TTC4: variants seen among roughly 807,000 people sequenced by gnomAD.
The protein encoded by TTC4 is tetratricopeptide repeat domain 4, also known as hsp70/Hsp90 co-chaperone CNS1 homolog.
Under a neutral mutation model 51.9 loss-of-function variants are expected in TTC4, and 36 were observed. The observed-to-expected ratio is 0.69, with a 90% confidence interval of 0.53 to 0.92. The LOEUF is 0.92. TTC4 is among the 40% of genes least tolerant of loss of function. The pLI, the probability that TTC4 is intolerant of heterozygous loss-of-function variation, is 0.00. For missense variants in TTC4, 399 were observed against 454.6 expected, an observed-to-expected ratio of 0.88 and a Z score of 1.11; for synonymous variants, 144 against 164.2, an observed-to-expected ratio of 0.88 and a Z score of 0.94.
Position 54,721,073 on chromosome 1 carries a change from T to G in TTC4, c.392-90T>G, listed in dbSNP as rs1025517587. On this transcript the variant is annotated intron_variant, in intron 3 of 9. Coordinates refer to ENST00000371281, the MANE Select transcript of TTC4 (RefSeq NM_004623.5). ...GCTCTCATTTGTATTTCCCCAGGAT[T>G]GTACAAGAGTGTCTTTGTCACTACA... 6 of 1,206,504 alleles carry G rather than the reference T, an allele frequency of 5.0e-6. No homozygotes were observed. The African/African-American group carries it at 9.1e-5, about 18-fold the overall frequency. 74.7% of individuals were successfully genotyped at this position (1,206,504 alleles called of 1,614,324 possible). A position where few individuals can be genotyped will look rare whatever the true frequency, so the allele number is the denominator to read the frequency against.
chr1:54,731,933 C>T (rs1645870940), intron 7 of TTC4, among the ~76,000 whole-genome samples: 1 of 152,138 alleles, frequency 6.6e-6, no homozygotes, highest in Non-Finnish European at 1.5e-5. Context: ...GTACATGCAA[C>T]ACCACAGTAT....
intron 6 of TTC4, among the ~76,000 whole-genome samples, chr1:54,729,369 A>G (rs1265364225): frequency 1.3e-5 from 2 of 152,208 alleles, no homozygotes; most frequent in East Asian, 3.8e-4. Flanking sequence ...GCTTTGGGTT[A>G]AGTGTTATTT....
Position 54,716,616 on chromosome 1 carries a change from C to G in TTC4, c.128C>G (p.Pro43Arg). The G allele has an allele frequency of 6.2e-7, 1 of 1,612,992 alleles. No homozygotes were observed. The highest frequency in any genetic ancestry group is 8.5e-7 in the Non-Finnish European group (1 of 1,179,696). Residue 43 changes from proline to arginine, a missense_variant, in exon 2 of 10, where the codon CCC becomes CGC. Coordinates refer to ENST00000371281, the MANE Select transcript of TTC4 (RefSeq NM_004623.5). ...DQWEKEFEKVPLFMSRAPSEI... is the reference protein window; with the variant it reads ...DQWEKEFEKVRLFMSRAPSEI... ...CATTTACAGGAATTTGAAAAGGTCC[C>G]CCTATTTATGTCGAGAGCGCCATCA...
intron 7 of TTC4, among the ~76,000 whole-genome samples, chr1:54,733,115 G>C (rs1645887832): frequency 6.7e-6 from 1 of 150,208 alleles, no homozygotes; most frequent in Admixed American, 6.6e-5. Context: ...GAAAAGAAAA[G>C]AAAAAAAGAA....
At chr1:54,716,062 C>G (rs1190665701) in intron 1 of TTC4, 43 bp downstream of exon 1, 1 of 1,512,346 alleles carries the variant, frequency 6.6e-7, no homozygotes, top group Admixed American at 2.0e-5. Flanking sequence ...GGGGCGTCGT[C>G]CGGACTCGTG....
intron 8 of TTC4, among the ~76,000 whole-genome samples, chr1:54,735,352 G>A (rs1301180286): frequency 2.0e-5 from 3 of 152,012 alleles, no homozygotes; most frequent in Non-Finnish European, 4.4e-5. Context: ...CTGAGTAGCT[G>A]GGATTACAGC....
rs1471511469 is a variant in TTC4 at position 54,741,546 on chromosome 1, C to T, written c.*33C>T. 1 of 1,564,762 alleles carries T rather than the reference C, an allele frequency of 6.4e-7. No homozygotes were observed. Among genetic ancestry groups the T allele is most frequent in the African/African-American group, 1.4e-5 (1 of 73,766 alleles). ...AGGGCCCCTGGATCTCCTCCCTTAC[C>T]CTCCTCTGCTGGGAACCTAGCACAC... On this transcript the variant is annotated 3_prime_UTR_variant, in exon 10 of 10. Coordinates refer to ENST00000371281, the MANE Select transcript of TTC4 (RefSeq NM_004623.5).
chr1:54,722,414 G>A (rs938884371), intron 4 of TTC4, among the ~76,000 whole-genome samples: 1 of 152,146 alleles, frequency 6.6e-6, no homozygotes, highest in Non-Finnish European at 1.5e-5. Context: ...TTGCCACTAA[G>A]TTATAGCTTT....
chr1:54,742,375 C>T lies in TTC4; in HGVS notation c.*862C>T, dbSNP rs1318269404. 1.3e-5 allele frequency: 2 copies of T among 152,390 alleles called. No homozygotes were observed. The highest frequency in any genetic ancestry group is 1.3e-4 in the Admixed American group (2 of 15,286). The allele number at this position is 152,390 out of a possible 1,614,324, so 9.4% of individuals were successfully genotyped here. A position where few individuals can be genotyped will look rare whatever the true frequency, so the allele number is the denominator to read the frequency against. On this transcript the variant is annotated 3_prime_UTR_variant, in exon 10 of 10. Transcript: ENST00000371281. The stretch of plus-strand genomic sequence containing the variant: ...CCCCGGGAGAGTGTACTTCCCTGCT[C>T]CCAATGCAGAGGGATATGCACAGGC...
At chr1:54,723,240 T>C (rs1184336537) in intron 5 of TTC4, among the ~76,000 whole-genome samples, 1 of 152,220 alleles carries the variant, frequency 6.6e-6, no homozygotes, top group Non-Finnish European at 1.5e-5. Context: ...AATCTAGGTA[T>C]GTAGCAGGCT....
At chr1:54,741,304 A>T (rs1195848895) in intron 9 of TTC4, 107 bp from the exon 10 acceptor site, 22 of 938,790 alleles carry the variant, frequency 2.3e-5, no homozygotes, top group African/African-American at 3.2e-5. Flanking sequence ...TTGCATTTTC[A>T]TGTTGACTCC....
rs745861383 is a variant in TTC4 at position 54,716,628 on chromosome 1, C to T, written c.140C>T (p.Ser47Leu). 1 of 1,613,402 alleles carries T rather than the reference C, an allele frequency of 6.2e-7. No individual in the cohort carries two copies. The highest frequency in any genetic ancestry group is 1.1e-5 in the South Asian group (1 of 90,948). Residue 47 changes from serine (S) to leucine (L), a missense_variant, in exon 2 of 10, where the codon TCG (serine) becomes TTG (leucine). Around this residue, in one of 3 missense-constraint regions of TTC4, gnomAD observed 316 missense variants for 349.6 expected, o/e 0.90. Coordinates refer to ENST00000371281, the MANE Select transcript of TTC4 (RefSeq NM_004623.5). ...TTTGAAAAGGTCCCCCTATTTATGT[C>T]GAGAGCGCCATCAGAAATTGATCCC... ...KEFEKVPLFM[S>L]RAPSEIDPRE... is the part of the protein sequence containing the mutation.
intron 7 of TTC4, among the ~76,000 whole-genome samples, chr1:54,732,060 T>C (rs1027477757): frequency 7.9e-5 from 12 of 152,130 alleles, no homozygotes; most frequent in African/African-American, 2.6e-4. Flanking sequence ...GGCTGGGCGC[T>C]GTGGCTTATG....
rs946432083 is a variant in TTC4, at chr1:54,742,473, A to T, written c.*960A>T. The T allele has an allele frequency of 3.3e-5, 5 of 152,300 alleles. No individual in the cohort carries two copies. Among genetic ancestry groups the T allele is most frequent in the African/African-American group, 1.2e-4 (5 of 41,470 alleles). 9.4% of individuals were successfully genotyped at this position (152,300 alleles called of 1,614,324 possible). A position where few individuals can be genotyped will look rare whatever the true frequency, so the allele number is the denominator to read the frequency against. On this transcript the variant is annotated 3_prime_UTR_variant, in exon 10 of 10. Coordinates refer to ENST00000371281, the MANE Select transcript of TTC4 (RefSeq NM_004623.5). ...GGCCTGTGCTCTTCCCTCTGCTGTG[A>T]GAACACATTTCCCACAGAGGAGCCG...
Position 54,716,613 on chromosome 1 carries a change from T to TC in TTC4, c.130dup (p.Leu44ProfsTer11). ...AACCATTTACAGGAATTTGAAAAGG[T>TC]CCCCCTATTTATGTCGAGAGCGCCA... On this transcript the variant is annotated frameshift_variant, in exon 2 of 10. Transcript: ENST00000371281. LOFTEE classifies it high-confidence loss of function. The TC allele has an allele frequency of 6.2e-7, 1 of 1,612,416 alleles. No homozygotes were observed. The highest frequency in any genetic ancestry group is 8.5e-7 in the Non-Finnish European group (1 of 1,179,442).
At chr1:54,737,848 A>G (rs1485303419) in intron 9 of TTC4, among the ~76,000 whole-genome samples, 184 bp downstream of exon 9, 1 of 152,210 alleles carries the variant, frequency 6.6e-6, no homozygotes, top group African/African-American at 2.4e-5. Flanking sequence ...AAGGAGGAGC[A>G]AGTCACCTCT....
At chr1:54,738,852 G>C (rs563932116) in intron 9 of TTC4, among the ~76,000 whole-genome samples, 27 of 151,632 alleles carry the variant, frequency 1.8e-4, no homozygotes, top group Non-Finnish European at 3.7e-4. Context: ...TAGTAGAGAC[G>C]GGGTTTCACC....
Position 54,731,510 on chromosome 1 carries a change from G to A in TTC4, c.706G>A (p.Ala236Thr), listed in dbSNP as rs1218200883. ...IKARNIRLSE[A>T]ACEDEDSASE... ...GGCTAGGAATATCAGGCTCTCAGAAGCTGCCTGTGAGGATGAAGATTCAGC... is the reference window on the plus strand; with the variant it reads ...GGCTAGGAATATCAGGCTCTCAGAAACTGCCTGTGAGGATGAAGATTCAGC... Residue 236 changes from alanine (A) to threonine (T), a missense_variant, in exon 7 of 10, where the codon GCT becomes ACT. Ala to Thr is a moderately conservative substitution (Grantham distance 58). Transcript: ENST00000371281. 2.5e-6 allele frequency: 4 copies of A among 1,613,768 alleles called. No homozygotes were observed. Among genetic ancestry groups the A allele is most frequent in the East Asian group, 2.2e-5 (1 of 44,884 alleles).
At chr1:54,733,731 T>A in intron 8 of TTC4, 21 bp downstream of exon 8, 1 of 1,512,360 alleles carries the variant, frequency 6.6e-7, no homozygotes, top group Non-Finnish European at 9.0e-7. Context: ...TTTTATTTCG[T>A]TCCTCTATGG....
Sources: gnomAD v4.1 joint callset for allele counts (sites outside exome capture counted in the v4.1 genomes callset) on GRCh38, gnomAD v4.1.1 for gene constraint, gnomAD v4.1.1 regional missense constraint, MANE v1.5 for transcripts, NCBI Gene and HGNC (gene_info 2026-07-23, HGNC 2026-07-21) for gene names.